Variants in PRKCA observed in about 807,000 individuals in gnomAD.
The protein encoded by PRKCA is protein kinase C alpha type.
Under a neutral mutation model 87.0 loss-of-function variants are expected in PRKCA, and 27 were observed. The observed-to-expected ratio is 0.31, with a 90% CI of 0.23 to 0.43. PRKCA has a LOEUF of 0.43. Ranked by LOEUF, PRKCA falls within the 20% of genes least tolerant of loss-of-function variation. The pLI, the probability that PRKCA is intolerant of heterozygous loss-of-function variation, is 1.00. For missense variants in PRKCA, 518 were observed against 852.3 expected (o/e 0.61, Z 4.88); for synonymous variants, 329 against 311.1 (o/e 1.06, Z -0.61).
chr17:66,782,051 C>T lies in PRKCA; in HGVS notation c.1606-4816C>T, dbSNP rs534852824. On this transcript the variant is annotated intron_variant, in intron 14 of 16. Transcript: ENST00000413366. ...GCTTCAGCCTCCCAGGTAGCAGGGA[C>T]TACAGGCGCACTCTACCATGTCCAG... 2.0e-4 allele frequency among the ~76,000 whole-genome samples: 30 copies of T among 151,870 alleles called. No individual in the cohort carries two copies. The South Asian group carries it at 4.8e-3, about 24-fold the overall frequency.
intron 10 of PRKCA, 146 bp downstream of exon 10, chr17:66,735,808 C>T (rs757504354): frequency 1.2e-6 from 1 of 845,592 alleles, no homozygotes; most frequent in Non-Finnish European, 1.8e-6. Context: ...GGGACCACCT[C>T]CCACCTCTCT....
chr17:66,568,706 A>C (rs1968973039), intron 3 of PRKCA, among the ~76,000 whole-genome samples: 1 of 152,198 alleles, frequency 6.6e-6, no homozygotes, highest in Non-Finnish European at 1.5e-5. Context: ...ATGATTTAAA[A>C]ATCATTTCCT....
chr17:66,458,322 A>AG (rs1441258328), intron 2 of PRKCA, among the ~76,000 whole-genome samples: 1 of 152,168 alleles, frequency 6.6e-6, no homozygotes, highest in African/African-American at 2.4e-5. Context: ...AAAACCTTGA[A>AG]GTAAGGTACA....
rs145113727 is a variant in PRKCA, at chr17:66,551,598, T to A, written c.288+55315T>A. Among the ~76,000 whole-genome samples, 804 of 152,312 alleles carry A rather than the reference T, an allele frequency of 5.3e-3. 6 individuals carry two copies. The highest frequency in any genetic ancestry group is 0.018 in the African/African-American group (750 of 41,564). On this transcript the variant is annotated intron_variant, in intron 3 of 16. Transcript: ENST00000413366. ...GTGACACCCCATCACTTTTGCTATATTCCATATACTTGAAGTGAGTCACTA... is the reference window on the plus strand; with the variant it reads ...GTGACACCCCATCACTTTTGCTATAATCCATATACTTGAAGTGAGTCACTA...
At chr17:66,627,126 T>G (rs1380155921) in intron 3 of PRKCA, among the ~76,000 whole-genome samples, 3 of 152,226 alleles carry the variant, frequency 2.0e-5, no homozygotes, top group South Asian at 2.1e-4. Context: ...TTTGCAGAGA[T>G]ATTTTCATTA....
intron 13 of PRKCA, among the ~76,000 whole-genome samples, chr17:66,766,672 G>A (rs2144315848): frequency 6.6e-6 from 1 of 152,214 alleles, no homozygotes; most frequent in African/African-American, 2.4e-5. Context: ...GCTGGGCATG[G>A]TGGTGGGAGT....
intron 8 of PRKCA, among the ~76,000 whole-genome samples, chr17:66,727,826 C>G (rs950961481): frequency 6.6e-6 from 1 of 152,108 alleles, no homozygotes; most frequent in Non-Finnish European, 1.5e-5. Flanking sequence ...GTCTGGAGGT[C>G]AAGCCTCGCG....
rs1232355409 is a variant in PRKCA, at chr17:66,798,404, GTGA to G, written c.1855-5466_1855-5464del. On this transcript the variant is annotated intron_variant, in intron 16 of 16. Coordinates refer to ENST00000413366, the MANE Select transcript of PRKCA (RefSeq NM_002737.3). ...GGTGGTGGTGGTGGTGGTGGTGGTG[GTGA>G]TGGTGATGGTGGTGGTGGTGGTGGT... 1.0e-3 allele frequency among the ~76,000 whole-genome samples: 58 copies of G among 56,822 alleles called. No individual in the cohort carries two copies. In the East Asian group the frequency reaches 0.01, roughly 10 times the overall value. The allele number at this position is 56,822 out of a possible 152,430, so 37.3% of individuals were successfully genotyped here.
intron 2 of PRKCA, among the ~76,000 whole-genome samples, chr17:66,474,274 A>G (rs1299371480): frequency 1.3e-5 from 2 of 152,146 alleles, no homozygotes; most frequent in Non-Finnish European, 2.9e-5. Flanking sequence ...TTCCAGTGAC[A>G]TTGTCTCTGT....
At chr17:66,529,698 A>G (rs1037931232) in intron 3 of PRKCA, among the ~76,000 whole-genome samples, 28 of 152,154 alleles carry the variant, frequency 1.8e-4, no homozygotes, top group African/African-American at 6.8e-4. Context: ...TGAGCAACAA[A>G]ACGAAGATCA....
chr17:66,385,001 T>C (rs766650726), intron 2 of PRKCA, among the ~76,000 whole-genome samples: 2 of 152,202 alleles, frequency 1.3e-5, no homozygotes, highest in African/African-American at 2.4e-5. Flanking sequence ...CTTCCTCTTC[T>C]TTGACTTTTA....
At chr17:66,748,684 G>T (rs1392153722) in intron 13 of PRKCA, among the ~76,000 whole-genome samples, 1 of 152,146 alleles carries the variant, frequency 6.6e-6, no homozygotes, top group Non-Finnish European at 1.5e-5. Context: ...GCAGCAGGAG[G>T]ACCTTCCTTT....
intron 8 of PRKCA, among the ~76,000 whole-genome samples, chr17:66,701,053 C>T (rs1308590321): frequency 6.6e-6 from 1 of 152,102 alleles, no homozygotes; most frequent in East Asian, 1.9e-4. Context: ...TTATATTACA[C>T]ATCTATAATA....
chr17:66,322,602 A>G (rs1376652111), intron 2 of PRKCA, among the ~76,000 whole-genome samples: 1 of 150,388 alleles, frequency 6.6e-6, no homozygotes. Context: ...AGCTAGGACC[A>G]CAGGCAGCTC....
At chr17:66,481,793 A>T (rs542338200) in intron 2 of PRKCA, among the ~76,000 whole-genome samples, 2 of 152,246 alleles carry the variant, frequency 1.3e-5, no homozygotes, top group South Asian at 4.1e-4. Flanking sequence ...ATGGACAAAC[A>T]TACAACTCTA....
At chr17:66,730,875 A>T (rs1277474410) in intron 8 of PRKCA, among the ~76,000 whole-genome samples, 1 of 152,220 alleles carries the variant, frequency 6.6e-6, no homozygotes, top group African/African-American at 2.4e-5. Context: ...TGGTGCTCCA[A>T]GAGGGACGAC....
intron 16 of PRKCA, among the ~76,000 whole-genome samples, chr17:66,801,785 C>G (rs1975905705): frequency 6.6e-6 from 1 of 152,124 alleles, no homozygotes; most frequent in African/African-American, 2.4e-5. Context: ...CTGTATGGCT[C>G]CACAGAGTAA....
At chr17:66,337,048 C>G (rs1906741796) in intron 2 of PRKCA, among the ~76,000 whole-genome samples, 1 of 152,156 alleles carries the variant, frequency 6.6e-6, no homozygotes, top group Non-Finnish European at 1.5e-5. Context: ...TCCTCGGCCT[C>G]CCAAAGTGCT....
chr17:66,348,384 T>TGTC (rs1907538569), intron 2 of PRKCA, among the ~76,000 whole-genome samples: 1 of 152,212 alleles, frequency 6.6e-6, no homozygotes, highest in African/African-American at 2.4e-5. Flanking sequence ...TGACTCAGGC[T>TGTC]AAGGTTCCTG....
Sources: gnomAD v4.1 joint callset for allele counts (sites outside exome capture counted in the v4.1 genomes callset) on GRCh38, gnomAD v4.1.1 for gene constraint, MANE v1.5 for transcripts, NCBI Gene and HGNC (gene_info 2026-07-23, HGNC 2026-07-21) for gene names.